The following DCC variants were observed in gnomAD, a reference collection of about 807,000 sequenced individuals.
DCC encodes DCC netrin 1 receptor, also known as netrin receptor DCC.
DCC carries 58 observed loss-of-function variants against 172.5 expected under a neutral mutation model. The ratio of observed to expected loss-of-function variants is 0.34; its 90% CI spans 0.27 to 0.42. The LOEUF (loss-of-function observed/expected upper bound fraction) is 0.42. Ranked by LOEUF, DCC falls within the 10% of genes least tolerant of loss-of-function variation. DCC has a pLI of 1.00. For synonymous variants in DCC, 709 were observed against 644.5 expected (o/e 1.10, Z -1.52); for missense variants, 1,740 against 1,791.0 (o/e 0.97, Z 0.51).
At chr18:52,589,072 G>A (rs1568243234) in intron 1 of DCC, among the ~76,000 whole-genome samples, 2 of 152,126 alleles carry the variant, frequency 1.3e-5, no homozygotes, top group Non-Finnish European at 2.9e-5. Context: ...TGTCTCATTG[G>A]GTTTTAGTTC....
At chr18:52,763,459 C>G (rs1267169697) in intron 2 of DCC, among the ~76,000 whole-genome samples, 1 of 152,218 alleles carries the variant, frequency 6.6e-6, no homozygotes, top group Non-Finnish European at 1.5e-5. Flanking sequence ...TTGGGCACTC[C>G]ATGAGCCAAC....
chr18:53,483,721 T>C (rs2045865194), intron 25 of DCC, among the ~76,000 whole-genome samples: 1 of 151,942 alleles, frequency 6.6e-6, no homozygotes, highest in African/African-American at 2.4e-5. Flanking sequence ...GTATTTCCAG[T>C]GACTATGAGT....
chr18:53,499,521 C>T lies in DCC; in HGVS notation c.4111+11C>T, dbSNP rs377206680. 459 of 1,602,986 alleles carry T rather than the reference C, an allele frequency of 2.9e-4. 5 individuals are homozygous for T. In the South Asian group the frequency reaches 3.7e-3, roughly 13 times the overall value. Reference sequence around the variant, plus strand: ...TTTTGTCTCAGCCAGGTAAAGTACTCGGTTGTTCACCTTTAAAATTCTTAT... The same window carrying T: ...TTTTGTCTCAGCCAGGTAAAGTACTTGGTTGTTCACCTTTAAAATTCTTAT... On this transcript the variant is annotated intron_variant, in intron 27 of 28. Transcript: ENST00000442544.
intron 5 of DCC, among the ~76,000 whole-genome samples, chr18:53,041,450 A>T (rs1360237075): frequency 1.3e-5 from 2 of 152,120 alleles, no homozygotes; most frequent in Non-Finnish European, 2.9e-5. Flanking sequence ...AGGTAGCATG[A>T]TGCCTCCAGC....
intron 5 of DCC, among the ~76,000 whole-genome samples, chr18:53,041,229 T>C (rs2042164732): frequency 6.6e-6 from 1 of 152,160 alleles, no homozygotes; most frequent in Non-Finnish European, 1.5e-5. Context: ...GTTTTCTGCA[T>C]ATGGCTAGCC....
intron 7 of DCC, among the ~76,000 whole-genome samples, chr18:53,139,246 T>G (rs1408597557): frequency 6.6e-6 from 1 of 152,210 alleles, no homozygotes; most frequent in East Asian, 1.9e-4. Context: ...CTCCTGGGGC[T>G]GGCAATTTAT....
Position 52,480,542 on chromosome 18 carries a change from C to T in DCC, c.91+139664C>T, listed in dbSNP as rs537853305. Among the ~76,000 whole-genome samples, 6 of 152,274 alleles carry T rather than the reference C, an allele frequency of 3.9e-5. No homozygotes were observed. The East Asian group carries it at 9.7e-4, about 25-fold the overall frequency. On this transcript the variant is annotated intron_variant, in intron 1 of 28. Transcript: ENST00000442544. Reference sequence around the variant, plus strand: ...TTGTGCATGCCACTTTGTATAAAAACAGTGATAAAATTAATAGCACCAATC... The same window carrying T: ...TTGTGCATGCCACTTTGTATAAAAATAGTGATAAAATTAATAGCACCAATC...
At position 53,178,986 on chromosome 18, in the gene DCC, G is replaced by A. The variant is rs1486269901; in HGVS notation, c.1443G>A (p.Gln481=). The A allele has an allele frequency of 1.9e-6, 3 of 1,613,944 alleles. No homozygotes were observed. Among genetic ancestry groups the A allele is most frequent in the Non-Finnish European group, 2.5e-6 (3 of 1,179,970 alleles). ...DNRERALNTT[Q]PGSLQLTVGN... is the part of the protein sequence containing the mutation. ...GGGAACGAGCATTGAATACAACACA[G>A]CCTGGGTCCCTTCAGCTCACTGTGG... The change falls in exon 9 of 29, where the codon CAG becomes CAA. Residue 481 remains glutamine, a synonymous_variant. Transcript: ENST00000442544.
chr18:53,198,546 C>G (rs1423051751), intron 9 of DCC, among the ~76,000 whole-genome samples: 1 of 152,022 alleles, frequency 6.6e-6, no homozygotes, highest in African/African-American at 2.4e-5. Flanking sequence ...ATTCGGCTAA[C>G]TTTTATATGC....
intron 25 of DCC, among the ~76,000 whole-genome samples, chr18:53,477,883 T>A (rs2145202322): frequency 6.6e-6 from 1 of 152,340 alleles, no homozygotes; most frequent in East Asian, 1.9e-4. Context: ...AATCTTTTGA[T>A]TCCCCAGCCT....
intron 7 of DCC, among the ~76,000 whole-genome samples, chr18:53,102,996 C>T (rs531028226): frequency 6.6e-6 from 1 of 152,160 alleles, no homozygotes; most frequent in South Asian, 2.1e-4. Context: ...ACATGAAATG[C>T]TTAGGGTTAG....
intron 12 of DCC, among the ~76,000 whole-genome samples, chr18:53,245,349 T>G (rs2056352970): frequency 1.3e-5 from 2 of 152,188 alleles, no homozygotes; most frequent in African/African-American, 2.4e-5. Context: ...GCACAGACTA[T>G]GAAGACAGAC....
In DCC at chr18:53,520,153, A is replaced by G. The variant is rs141965078; in HGVS notation, c.4112-6464A>G. Among the ~76,000 whole-genome samples the G allele has an allele frequency of 3.7e-3, 568 of 152,250 alleles. 2 individuals carry two copies. The highest frequency in any genetic ancestry group is 0.011 in the African/African-American group (449 of 41,572). On this transcript the variant is annotated intron_variant, in intron 27 of 28. Transcript: ENST00000442544. ...GGAAGTGTGGCAATGCCCCATTTCAATGTCAAAGTCTTTGAAATCTAGGAA... is the reference window on the plus strand; with the variant it reads ...GGAAGTGTGGCAATGCCCCATTTCAGTGTCAAAGTCTTTGAAATCTAGGAA...
At chr18:52,937,309 G>A (rs543451689) in intron 5 of DCC, among the ~76,000 whole-genome samples, 2 of 152,120 alleles carry the variant, frequency 1.3e-5, no homozygotes, top group Admixed American at 6.6e-5. Flanking sequence ...TTCCTATTAG[G>A]TTGGTGCAAA....
intron 1 of DCC, among the ~76,000 whole-genome samples, chr18:52,346,294 A>G (rs1339939974): frequency 6.6e-6 from 1 of 152,246 alleles, no homozygotes; most frequent in East Asian, 1.9e-4. Flanking sequence ...GGACTCAGGT[A>G]AATGAAACAC....
At chr18:53,166,224 C>T (rs1200249382) in intron 8 of DCC, among the ~76,000 whole-genome samples, 1 of 151,986 alleles carries the variant, frequency 6.6e-6, no homozygotes, top group African/African-American at 2.4e-5. Flanking sequence ...GATCATTGTG[C>T]AATTTGCTGA....
intron 1 of DCC, among the ~76,000 whole-genome samples, chr18:52,687,521 G>C (rs184509455): frequency 1.4e-4 from 22 of 152,156 alleles, no homozygotes; most frequent in Admixed American, 1.4e-3. Context: ...CTGACCTCAG[G>C]TGATCCGCCC....
intron 12 of DCC, among the ~76,000 whole-genome samples, chr18:53,294,341 A>G (rs1419660805): frequency 6.6e-6 from 1 of 152,208 alleles, no homozygotes; most frequent in Admixed American, 6.5e-5. Flanking sequence ...CCTAAACCAG[A>G]AGAAGTGAGG....
chr18:52,847,623 T>A (rs2038915296), intron 2 of DCC, among the ~76,000 whole-genome samples: 1 of 152,104 alleles, frequency 6.6e-6, no homozygotes. Context: ...GTTCCCTCCC[T>A]CCAAGACACA....
Sources: gnomAD v4.1 joint callset for allele counts (sites outside exome capture counted in the v4.1 genomes callset) on GRCh38, gnomAD v4.1.1 for gene constraint, MANE v1.5 for transcripts, NCBI Gene and HGNC (gene_info 2026-07-23, HGNC 2026-07-21) for gene names.